MYOF: variants seen among roughly 807,000 people sequenced by gnomAD.
MYOF encodes fer-1-like 3, myoferlin.
MYOF carries 244 observed loss-of-function variants against 284.2 expected under a neutral mutation model. The ratio of observed to expected loss-of-function variants is 0.86; its 90% CI spans 0.77 to 0.95. The LOEUF is 0.95. Among genes scored for constraint, MYOF ranks in the 40% least tolerant of loss-of-function variants. MYOF has a pLI of 0.00. For synonymous variants in MYOF, 904 were observed against 919.7 expected, an observed-to-expected ratio of 0.98 and a Z score of 0.31; for missense variants, 2,496 against 2,560.6, an observed-to-expected ratio of 0.97 and a Z score of 0.54.
chr10:93,456,992 G>A (rs567596084), intron 1 of MYOF, 55 bp from the exon 2 acceptor site: 39 of 1,325,200 alleles, frequency 2.9e-5, no homozygotes, highest in Admixed American at 2.9e-4. Flanking sequence ...ATTAAAGAGC[G>A]TGGGCCATTC....
chr10:93,337,887 A>T lies in MYOF; in HGVS notation c.4365T>A (p.Ser1455Arg). The T allele has an allele frequency of 6.2e-7, 1 of 1,614,052 alleles. No individual in the cohort carries two copies. Among genetic ancestry groups the T allele is most frequent in the Non-Finnish European group, 8.5e-7 (1 of 1,179,974 alleles). ...EKEEEIVDWW[S>R]KFYASSGEHE... Reference sequence around the variant, plus strand: ...GTTCCCCTGAGGAAGCATAAAATTTACTCCACCAGTCCACGATTTCTTCCT... The same window carrying T: ...GTTCCCCTGAGGAAGCATAAAATTTTCTCCACCAGTCCACGATTTCTTCCT... Residue 1455 changes from serine to arginine, a missense_variant, in exon 40 of 54, where the codon AGT becomes AGA. Ser to Arg is a moderately radical substitution (Grantham distance 110, BLOSUM62 -1). This residue lies in a region of MYOF where 2,436 missense variants were observed against 2,480.7 expected (regional missense o/e 0.98). Transcript: ENST00000359263.
intron 7 of MYOF, among the ~76,000 whole-genome samples, chr10:93,406,259 A>C (rs1284732363): frequency 9.4e-6 from 1 of 106,244 alleles, no homozygotes; most frequent in Non-Finnish European, 2.1e-5. Flanking sequence ...ACGCCTGGCC[A>C]GGCTAGAAAT....
chr10:93,354,666 A>ACACTCTCTCTCTCTCTCTCTCTCTCT (rs1554844078), intron 31 of MYOF, among the ~76,000 whole-genome samples: 3 of 119,236 alleles, frequency 2.5e-5, no homozygotes, highest in Non-Finnish European at 5.3e-5. Context: ...TCACACATTC[A>ACACTCTCTCTCTCTCTCTCTCTCTCT]CTCTCTCTCT....
chr10:93,467,441 G>A (rs2057036957), intron 1 of MYOF, among the ~76,000 whole-genome samples: 1 of 149,344 alleles, frequency 6.7e-6, no homozygotes, highest in South Asian at 2.1e-4. Flanking sequence ...CCTTGCGATA[G>A]TTTGCTGAGA....
intron 2 of MYOF, among the ~76,000 whole-genome samples, 183 bp downstream of exon 2, chr10:93,456,699 C>T (rs1198769480): frequency 1.3e-5 from 2 of 152,126 alleles, no homozygotes. Flanking sequence ...AGAAGATGGT[C>T]GCTGGTGAGC....
intron 1 of MYOF, among the ~76,000 whole-genome samples, chr10:93,465,183 G>C (rs748159723): frequency 6.6e-6 from 1 of 152,160 alleles, no homozygotes; most frequent in Non-Finnish European, 1.5e-5. Context: ...AGGTCATACA[G>C]CTAGTAAGTG....
chr10:93,467,323 G>GACC (rs1168597666), intron 1 of MYOF, among the ~76,000 whole-genome samples: 1 of 93,504 alleles, frequency 1.1e-5, no homozygotes, highest in African/African-American at 4.5e-5. Flanking sequence ...CCCCTCCCCC[G>GACC]ACCCCACAAC....
chr10:93,466,309 G>C (rs1278620642), intron 1 of MYOF, among the ~76,000 whole-genome samples: 2 of 152,164 alleles, frequency 1.3e-5, no homozygotes, highest in Non-Finnish European at 2.9e-5. Flanking sequence ...TACAAAGCGA[G>C]GCTGTTTGGG....
intron 4 of MYOF, among the ~76,000 whole-genome samples, chr10:93,428,196 A>AT (rs34975275): frequency 1.3e-4 from 17 of 127,450 alleles, no homozygotes; most frequent in African/African-American, 4.0e-4. Context: ...TTTTATGTGA[A>AT]TTTTTTTTTT....
chr10:93,307,063 G>A (rs941659124), intron 53 of MYOF, 62 bp from the exon 54 acceptor site: 1 of 1,466,340 alleles, frequency 6.8e-7, no homozygotes, highest in African/African-American at 1.4e-5. Flanking sequence ...TTCAGTTAGG[G>A]TTTCTCAATC....
intron 49 of MYOF, among the ~76,000 whole-genome samples, chr10:93,318,734 G>A (rs1457055994): frequency 6.6e-6 from 1 of 152,136 alleles, no homozygotes; most frequent in South Asian, 2.1e-4. Flanking sequence ...CTCCAGCCTG[G>A]GCAACAACAG....
At position 93,326,693 on chromosome 10, in the gene MYOF, C is replaced by T. The variant is rs182912692; in HGVS notation, c.5132-728G>A. ...AGGCTGGAGTGCAATGGCGTGATCT[C>T]GGCTCACTGCAACCCCTGCCTCCTG... On this transcript the variant is annotated intron_variant, in intron 45 of 53. Coordinates refer to ENST00000359263, the MANE Select transcript of MYOF (RefSeq NM_013451.4). 6.6e-5 allele frequency among the ~76,000 whole-genome samples: 10 copies of T among 152,296 alleles called. No individual in the cohort carries two copies. In the East Asian group the frequency reaches 1.5e-3, roughly 24 times the overall value.
At chr10:93,416,157 G>C (rs1009277374) in intron 5 of MYOF, among the ~76,000 whole-genome samples, 8 of 152,316 alleles carry the variant, frequency 5.3e-5, no homozygotes, top group South Asian at 2.1e-4. Context: ...TCTGCTCTTT[G>C]ATTCAGCCTA....
At chr10:93,345,302 C>A (rs1844137867) in intron 37 of MYOF, among the ~76,000 whole-genome samples, 1 of 152,112 alleles carries the variant, frequency 6.6e-6, no homozygotes, top group African/African-American at 2.4e-5. Context: ...AATTTTAAAA[C>A]AAACAGAAGC....
chr10:93,422,959 A>G (rs968108028), intron 5 of MYOF, among the ~76,000 whole-genome samples: 3 of 152,076 alleles, frequency 2.0e-5, no homozygotes, highest in African/African-American at 7.2e-5. Context: ...AAGAGGACCC[A>G]TTTAATATTT....
At chr10:93,438,099 C>T (rs2056120719) in intron 3 of MYOF, among the ~76,000 whole-genome samples, 1 of 152,088 alleles carries the variant, frequency 6.6e-6, no homozygotes, top group Non-Finnish European at 1.5e-5. Context: ...CTCTGCCATC[C>T]CCCACGTGAT....
intron 21 of MYOF, among the ~76,000 whole-genome samples, chr10:93,378,761 G>A (rs1845979376): frequency 6.9e-6 from 1 of 144,404 alleles, no homozygotes; most frequent in Non-Finnish European, 1.5e-5. Context: ...TGTCCAGGCT[G>A]GAGTGCAATG....
chr10:93,310,329 C>T (rs921531295), intron 52 of MYOF, among the ~76,000 whole-genome samples, 162 bp from the exon 53 acceptor site: 1 of 152,182 alleles, frequency 6.6e-6, no homozygotes, highest in South Asian at 2.1e-4. Context: ...CCTACGACAG[C>T]TTCCTAAGAT....
chr10:93,480,769 C>A (rs2057369891), intron 1 of MYOF, among the ~76,000 whole-genome samples: 1 of 152,126 alleles, frequency 6.6e-6, no homozygotes, highest in Admixed American at 6.5e-5. Flanking sequence ...AGTCACCACA[C>A]CCAGCCAGCC....
Sources: gnomAD v4.1 joint callset for allele counts (sites outside exome capture counted in the v4.1 genomes callset) on GRCh38, gnomAD v4.1.1 for gene constraint, gnomAD v4.1.1 regional missense constraint, MANE v1.5 for transcripts, NCBI Gene and HGNC (gene_info 2026-07-23, HGNC 2026-07-21) for gene names.